Variants in FAM81A observed in about 807,000 individuals in gnomAD.
FAM81A encodes the protein protein FAM81A.
A neutral mutation model predicts 46.7 loss-of-function variants in FAM81A; 19 were observed. That is an observed-to-expected ratio of 0.41 (90% CI 0.28 to 0.60). FAM81A has a LOEUF of 0.60. Among genes scored for constraint, FAM81A ranks in the 20% least tolerant of loss-of-function variants. The probability of loss-of-function intolerance (pLI) is 0.34; values close to 1 mark genes in which losing one functional copy is unlikely to be tolerated. For synonymous variants in FAM81A, 183 were observed against 152.9 expected, an observed-to-expected ratio of 1.20 and a Z score of -1.45; for missense variants, 377 against 453.5, an observed-to-expected ratio of 0.83 and a Z score of 1.53.
At chr15:59,447,739 A>G (rs1402267385) in intron 1 of FAM81A, among the ~76,000 whole-genome samples, 3 of 152,322 alleles carry the variant, frequency 2.0e-5, no homozygotes, top group African/African-American at 7.2e-5. Context: ...TCCACACCAC[A>G]GAGATAATTC....
chr15:59,403,240 T>C (rs1413052211), intron 2 of FAM81A, among the ~76,000 whole-genome samples: 1 of 149,936 alleles, frequency 6.7e-6, no homozygotes, highest in East Asian at 2.0e-4. Context: ...CCCACATTCA[T>C]ATGTTGAAGC....
chr15:59,444,849 C>T lies in FAM81A; in HGVS notation c.-78+6567C>T, dbSNP rs2081337685. On this transcript the variant is annotated intron_variant, in intron 1 of 8. Transcript: ENST00000288228. The stretch of plus-strand genomic sequence containing the variant: ...GTGATTTTTGCAAAAAGAGAAAACC[C>T]AATTGCTTTTTATGCCTTGGTGGTC... 2.6e-5 allele frequency among the ~76,000 whole-genome samples: 4 copies of T among 152,052 alleles called. No individual in the cohort carries two copies. In the South Asian group the frequency reaches 8.3e-4, roughly 32 times the overall value.
intron 1 of FAM81A, among the ~76,000 whole-genome samples, chr15:59,443,185 C>G (rs1047186077): frequency 3.3e-5 from 5 of 152,204 alleles, no homozygotes; most frequent in Non-Finnish European, 7.3e-5. Flanking sequence ...CTGGTTCAAG[C>G]AATTCTCCTG....
chr15:59,511,691 G>A (rs546382718), intron 6 of FAM81A, among the ~76,000 whole-genome samples: 5 of 152,144 alleles, frequency 3.3e-5, no homozygotes, highest in Middle Eastern at 6.8e-3. Flanking sequence ...TTGCTGTGTC[G>A]CCAGGCTGGA....
chr15:59,437,095 A>G (rs918687918), upstream of FAM81A, among the ~76,000 whole-genome samples: 2 of 152,198 alleles, frequency 1.3e-5, no homozygotes, highest in Non-Finnish European at 2.9e-5. Flanking sequence ...ACAGTCGCAG[A>G]ATACCCACAA....
At chr15:59,398,855 T>C (rs1387744164) in intron 1 of FAM81A, among the ~76,000 whole-genome samples, 1 of 147,874 alleles carries the variant, frequency 6.8e-6, no homozygotes, top group Non-Finnish European at 1.5e-5. Flanking sequence ...TATGTCTTCC[T>C]AGTCCAAGCT....
At chr15:59,491,641 A>G (rs2081982657) in intron 3 of FAM81A, among the ~76,000 whole-genome samples, 1 of 152,198 alleles carries the variant, frequency 6.6e-6, no homozygotes, top group African/African-American at 2.4e-5. Flanking sequence ...TGATGTGATT[A>G]TTACACATTG....
At chr15:59,453,796 G>T (rs1596482953) in intron 1 of FAM81A, among the ~76,000 whole-genome samples, 1 of 152,120 alleles carries the variant, frequency 6.6e-6, no homozygotes, top group African/African-American at 2.4e-5. Flanking sequence ...GCTGGAAGAG[G>T]GTAGGGAGGG....
intron 3 of FAM81A, among the ~76,000 whole-genome samples, chr15:59,466,499 G>C (rs573421121): frequency 6.6e-6 from 1 of 152,300 alleles, no homozygotes; most frequent in Admixed American, 6.5e-5. Flanking sequence ...CTGCATAGAC[G>C]TCTTCTTTTG....
chr15:59,508,117 A>G (rs2082168462), intron 5 of FAM81A, among the ~76,000 whole-genome samples: 1 of 152,248 alleles, frequency 6.6e-6, no homozygotes, highest in Non-Finnish European at 1.5e-5. Flanking sequence ...AGACAATCCA[A>G]TAATAATTTC....
intron 2 of FAM81A, among the ~76,000 whole-genome samples, chr15:59,421,270 G>A (rs1486495533): frequency 6.6e-6 from 1 of 152,200 alleles, no homozygotes; most frequent in East Asian, 1.9e-4. Context: ...TGGAAAGGCA[G>A]ATCCCTGACA....
intron 1 of FAM81A, among the ~76,000 whole-genome samples, chr15:59,449,240 C>T (rs1201052864): frequency 6.6e-6 from 1 of 152,014 alleles, no homozygotes; most frequent in Non-Finnish European, 1.5e-5. Flanking sequence ...CCTTTGAACT[C>T]TTGGTTTACA....
At chr15:59,449,616 C>T (rs2081391901) in intron 1 of FAM81A, among the ~76,000 whole-genome samples, 1 of 151,902 alleles carries the variant, frequency 6.6e-6, no homozygotes, top group Admixed American at 6.6e-5. Context: ...CCCGTCTCTA[C>T]TAAAAAACAC....
intron 2 of FAM81A, among the ~76,000 whole-genome samples, chr15:59,417,936 G>C (rs1233069122): frequency 6.6e-6 from 1 of 151,796 alleles, no homozygotes; most frequent in Non-Finnish European, 1.5e-5. Context: ...CACAACCCAC[G>C]ACAGGCCCCG....
chr15:59,401,298 T>TGCC (rs2081069003), intron 1 of FAM81A: 9 of 870,048 alleles, frequency 1.0e-5, no homozygotes, highest in Admixed American at 3.4e-5. Context: ...CCCAAATAAC[T>TGCC]GCCGCCTTGC....
intron 4 of FAM81A, among the ~76,000 whole-genome samples, chr15:59,495,659 C>T (rs2082025731): frequency 6.6e-6 from 1 of 152,210 alleles, no homozygotes; most frequent in African/African-American, 2.4e-5. Context: ...GGCTCCGATT[C>T]CTTCACATCC....
intron 2 of FAM81A, among the ~76,000 whole-genome samples, chr15:59,418,212 T>C (rs142840804): frequency 6.6e-6 from 1 of 152,230 alleles, no homozygotes; most frequent in Non-Finnish European, 1.5e-5. Flanking sequence ...TGCAAGCACA[T>C]TGAGGGCACG....
At chr15:59,485,057 G>T (rs2081900907) in intron 3 of FAM81A, among the ~76,000 whole-genome samples, 1 of 152,112 alleles carries the variant, frequency 6.6e-6, no homozygotes, top group Non-Finnish European at 1.5e-5. Flanking sequence ...GGAAGAGTGG[G>T]AAGGACTTTG....
chr15:59,499,542 T>G (rs1006677608), intron 4 of FAM81A, among the ~76,000 whole-genome samples: 2 of 152,234 alleles, frequency 1.3e-5, no homozygotes, highest in African/African-American at 4.8e-5. Context: ...CTGGGGCACT[T>G]GCTTTTAGCC....
Sources: gnomAD v4.1 joint callset for allele counts (sites outside exome capture counted in the v4.1 genomes callset) on GRCh38, gnomAD v4.1.1 for gene constraint, MANE v1.5 for transcripts, NCBI Gene and HGNC (gene_info 2026-07-23, HGNC 2026-07-21) for gene names.